TMC4: variants seen among roughly 807,000 people sequenced by gnomAD.
The protein encoded by TMC4 is transmembrane channel like 4.
In TMC4, 70 loss-of-function variants were observed where a neutral mutation model predicts 82.0. That is an observed-to-expected ratio of 0.85 (90% CI 0.70 to 1.04). The LOEUF is 1.04. TMC4 is among the 50% of genes least tolerant of loss of function. The pLI is 0.00. For missense variants in TMC4, 879 were observed against 899.0 expected (o/e 0.98, Z 0.28); for synonymous variants, 446 against 406.0 (o/e 1.10, Z -1.18).
In TMC4 at chr19:54,166,561, C is replaced by T. The variant is rs2075710477; in HGVS notation, c.798-995G>A. Among the ~76,000 whole-genome samples, 6 of 152,164 alleles carry T rather than the reference C, an allele frequency of 3.9e-5. No homozygotes were observed. The South Asian group carries it at 1.2e-3, about 32-fold the overall frequency. On this transcript the variant is annotated intron_variant, in intron 5 of 14. Transcript: ENST00000619895. Reference sequence around the variant, plus strand: ...GCTTCCACTTGTGCCCGCATATAATCCATTCTCAGTTCTTGAGCCAGTGGG... The same window carrying T: ...GCTTCCACTTGTGCCCGCATATAATTCATTCTCAGTTCTTGAGCCAGTGGG...
intron 7 of TMC4, 89 bp from the exon 8 acceptor site, chr19:54,163,976 T>TC (rs1437179051): frequency 1.0e-6 from 1 of 955,572 alleles, no homozygotes; most frequent in Admixed American, 3.7e-5. Context: ...TTCTTCTTCT[T>TC]CTTTTTTTTT....
In TMC4 at chr19:54,165,581, C is replaced by T; in HGVS notation, c.798-15G>A. The T allele has an allele frequency of 6.3e-7, 1 of 1,589,868 alleles. No homozygotes were observed. The highest frequency in any genetic ancestry group is 1.3e-5 in the African/African-American group (1 of 74,616). ...CAGACACCGAGCTGAGAGGGGAGACCCGGGAGACGGGAAGTGAAAGGACAG... is the reference window on the plus strand; with the variant it reads ...CAGACACCGAGCTGAGAGGGGAGACTCGGGAGACGGGAAGTGAAAGGACAG... On this transcript the variant is annotated splice_polypyrimidine_tract_variant and intron_variant, in intron 5 of 14. Transcript: ENST00000619895.
In TMC4 at chr19:54,169,649, G is replaced by T. The variant is rs2075836541; in HGVS notation, c.305C>A (p.Ala102Asp). The T allele has an allele frequency of 6.2e-7, 1 of 1,613,360 alleles. No homozygotes were observed. Among genetic ancestry groups the T allele is most frequent in the East Asian group, 2.2e-5 (1 of 44,878 alleles). The stretch of plus-strand genomic sequence containing the variant: ...GCCATAGACCACCTGGTCCCTGCTG[G>T]CATTTCTTTGCCTGGGAGGGAAACA... ...QARRAHRQRN[A>D]SRDQVVYGSG... The change falls in exon 3 of 15, where the codon GCC becomes GAC. Residue 102 changes from alanine (A) to aspartate (D), a missense_variant. Physicochemically the swap from Ala to Asp is moderately radical, Grantham distance 126. Transcript: ENST00000619895.
At position 54,168,211 on chromosome 19, in the gene TMC4, A is replaced by T; in HGVS notation, c.757T>A (p.Phe253Ile). ...AGGAGGCAGATGAGGCCAACGGCAA[A>T]GGCCCAGCACAGGTAGGTGACCGCC... The part of the protein sequence containing the change: ...RLAVTYLCWA[F>I]AVGLICLLLI... Residue 253 changes from phenylalanine to isoleucine, a missense_variant, in exon 5 of 15, where the codon TTT becomes ATT. Phe to Ile is a conservative substitution (Grantham distance 21, BLOSUM62 0). Coordinates refer to ENST00000619895, the MANE Select transcript of TMC4 (RefSeq NM_144686.4). 6.3e-7 allele frequency: 1 copy of T among 1,597,814 alleles called. No homozygotes were observed. Among genetic ancestry groups the T allele is most frequent in the Non-Finnish European group, 8.5e-7 (1 of 1,171,950 alleles).
At chr19:54,169,936 C>CA (rs35772679) in intron 2 of TMC4, among the ~76,000 whole-genome samples, 40,515 of 139,006 alleles carry the variant, frequency 0.29, 6,063 homozygotes, top group Non-Finnish European at 0.35. Flanking sequence ...CTAAAAATAC[C>CA]AAAAAAAAAA....
At chr19:54,162,390 G>C (rs1201762757) in intron 10 of TMC4, 105 bp from the exon 11 acceptor site, 23 of 51,422 alleles carry the variant, frequency 4.5e-4, no homozygotes, top group African/African-American at 2.2e-3. Context: ...TATTGGTGGT[G>C]GGGGGGGGGG....
rs57882775 is a variant in TMC4 at position 54,166,179 on chromosome 19, G to C, written c.798-613C>G. On this transcript the variant is annotated intron_variant, in intron 5 of 14. Transcript: ENST00000619895. ...GGATCACCTGAGGTCAGGAGTTTGA[G>C]ACCAGCCTGGCCAATGTGGTGAAAC... Among the ~76,000 whole-genome samples the C allele has an allele frequency of 7.6e-3, 1,150 of 152,068 alleles. 19 individuals carry two copies. The highest frequency in any genetic ancestry group is 0.026 in the African/African-American group (1,073 of 41,468).
intron 2 of TMC4, 126 bp downstream of exon 2, chr19:54,171,744 G>C (rs892263126): frequency 1.2e-6 from 1 of 802,654 alleles, no homozygotes. Flanking sequence ...AGGCAGCTCT[G>C]AGCGGGGCAG....
intron 5 of TMC4, among the ~76,000 whole-genome samples, chr19:54,167,618 T>A (rs1279354745): frequency 6.0e-5 from 9 of 150,300 alleles, no homozygotes; most frequent in Non-Finnish European, 1.0e-4. Flanking sequence ...TTGATCTTTT[T>A]TTTTTTTTTA....
chr19:54,161,401 C>A (rs1164490540), intron 11 of TMC4, 141 bp from the exon 12 acceptor site: 4 of 1,016,900 alleles, frequency 3.9e-6, no homozygotes, highest in Non-Finnish European at 5.3e-6. Flanking sequence ...CTCTGTCGCC[C>A]AGGCTGGAGT....
At chr19:54,168,425 C>A (rs765768316) in intron 4 of TMC4, 23 bp downstream of exon 4, 1 of 1,525,988 alleles carries the variant, frequency 6.6e-7, no homozygotes, top group South Asian at 1.2e-5. Context: ...GGCGGGGAAT[C>A]CCCCAGGGAC....
rs187123230 is a variant in TMC4, at chr19:54,169,014, T to A, written c.443-334A>T. Among the ~76,000 whole-genome samples, 153 of 19,154 alleles carry A rather than the reference T, an allele frequency of 8.0e-3. 46 individuals are homozygous for A. The highest frequency in any genetic ancestry group is 0.041 in the East Asian group (13 of 316). The allele number at this position is 19,154 out of a possible 152,430, so 12.6% of individuals were successfully genotyped here. A position where few individuals can be genotyped will look rare whatever the true frequency, so the allele number is the denominator to read the frequency against. On this transcript the variant is annotated intron_variant, in intron 3 of 14. Coordinates refer to ENST00000619895, the MANE Select transcript of TMC4 (RefSeq NM_144686.4). ...TCTCTCTATATATATATATATATTTTTTTTTTTTTCTTTTCTTTTCTTTTC... is the reference window on the plus strand; with the variant it reads ...TCTCTCTATATATATATATATATTTATTTTTTTTTCTTTTCTTTTCTTTTC...
At chr19:54,170,588 G>C (rs1048950430) in intron 2 of TMC4, among the ~76,000 whole-genome samples, 12 of 148,616 alleles carry the variant, frequency 8.1e-5, no homozygotes, top group African/African-American at 3.0e-4. Flanking sequence ...TTGCATACAG[G>C]CTACACACAT....
Position 54,161,229 on chromosome 19 carries a change from G to A in TMC4, c.1718C>T (p.Ala573Val). 1 of 1,572,342 alleles carries A rather than the reference G, an allele frequency of 6.4e-7. No individual in the cohort carries two copies. Among genetic ancestry groups the A allele is most frequent in the Admixed American group, 1.9e-5 (1 of 52,274 alleles). Residue 573 changes from alanine (A) to valine (V), a missense_variant, in exon 12 of 15, where the codon GCC becomes GTC. Ala to Val is a moderately conservative substitution (Grantham distance 64). Transcript: ENST00000619895. ...CGCCGCGGAGGCCCGGAAGGTGCGG[G>A]CAGCCGGGGAGCAGGTGGAGAAGAG... Reference protein sequence around the residue: ...LTLFSTCSPAARTFRASAANF... With the variant: ...LTLFSTCSPAVRTFRASAANF...
chr19:54,161,787 C>A (rs1050918597), intron 11 of TMC4, among the ~76,000 whole-genome samples: 1 of 152,156 alleles, frequency 6.6e-6, no homozygotes, highest in Non-Finnish European at 1.5e-5. Flanking sequence ...GGTGATCCAC[C>A]CGCCTTAGTC....
chr19:54,171,970 T>TTCCTCCA lies in TMC4; in HGVS notation c.186_192dup (p.Arg65TrpfsTer52). 1 of 1,613,676 alleles carries TTCCTCCA rather than the reference T, an allele frequency of 6.2e-7. No homozygotes were observed. Among genetic ancestry groups the TTCCTCCA allele is most frequent in the African/African-American group, 1.3e-5 (1 of 75,012 alleles). On this transcript the variant is annotated frameshift_variant, in exon 2 of 15. Transcript: ENST00000619895. LOFTEE classifies it high-confidence loss of function. ...ACTTCTGTGAAGGCCTTTCTGCTCC[T>TTCCTCCA]TCCTCCATCCTCCTCCTCCTCCTCC...
rs2146872149 is a variant in TMC4, at chr19:54,162,761, T to C, written c.1414A>G (p.Thr472Ala). 1.9e-6 allele frequency: 3 copies of C among 1,613,540 alleles called. No homozygotes were observed. The South Asian group carries it at 3.3e-5, about 18-fold the overall frequency. The stretch of plus-strand genomic sequence containing the variant: ...TTGTACATTTCCTGGCCCAGGACAG[T>C]CTCCCAGCACTGAAGAAGGAAGAAA... ...YNYKQLPCWETVLGQEMYKLL... is the reference protein window; with the variant it reads ...YNYKQLPCWEAVLGQEMYKLL... Residue 472 changes from threonine to alanine, a missense_variant, in exon 10 of 15, where the codon ACT becomes GCT. Coordinates refer to ENST00000619895, the MANE Select transcript of TMC4 (RefSeq NM_144686.4).
intron 11 of TMC4, among the ~76,000 whole-genome samples, chr19:54,161,690 C>T (rs1173705977): frequency 1.3e-5 from 2 of 152,204 alleles, no homozygotes; most frequent in Non-Finnish European, 2.9e-5. Flanking sequence ...AGGCGCCTGC[C>T]ACTAAGCCCG....
chr19:54,167,931 C>CG, intron 5 of TMC4, among the ~76,000 whole-genome samples: 1 of 151,762 alleles, frequency 6.6e-6, no homozygotes, highest in South Asian at 2.1e-4. Context: ...GGCGTGGTGG[C>CG]GGGCGCCTGT....
Sources: gnomAD v4.1 joint callset for allele counts (sites outside exome capture counted in the v4.1 genomes callset) on GRCh38, gnomAD v4.1.1 for gene constraint, MANE v1.5 for transcripts, NCBI Gene and HGNC (gene_info 2026-07-23, HGNC 2026-07-21) for gene names.